EGFL6: variants seen among roughly 807,000 people sequenced by gnomAD.
EGFL6 encodes the protein EGF like domain multiple 6, also known as epidermal growth factor-like protein 6.
In EGFL6, 42 loss-of-function variants were observed where a neutral mutation model predicts 43.1. The observed-to-expected ratio is 0.98, with a 90% confidence interval of 0.76 to 1.26. EGFL6 has a LOEUF of 1.26. Among genes scored for constraint, EGFL6 ranks in the 50% most tolerant of loss-of-function variants. The pLI is 0.00. For missense variants in EGFL6, 429 were observed against 427.8 expected (o/e 1.00, Z -0.02); for synonymous variants, 164 against 163.2 (o/e 1.01, Z -0.04).
At chrX:13,608,917 A>G (rs1391884281) in intron 7 of EGFL6, among the ~76,000 whole-genome samples, 2 of 112,655 alleles carry the variant, frequency 1.8e-5, no homozygotes, top group Non-Finnish European at 3.7e-5. Context: ...TCTTCATTAA[A>G]GTATGATTAC....
At chrX:13,610,579 G>T (rs978676919) in intron 7 of EGFL6, among the ~76,000 whole-genome samples, 4 of 112,097 alleles carry the variant, frequency 3.6e-5, no homozygotes, top group Admixed American at 2.8e-4. Flanking sequence ...AGGTAGGTTG[G>T]GGGGAAGGAC....
chrX:13,601,889 A>G (rs16979012), intron 4 of EGFL6, among the ~76,000 whole-genome samples: 2,468 of 111,591 alleles, frequency 0.022, 60 homozygotes, highest in African/African-American at 0.074. Context: ...AAATTTCAAA[A>G]AAGATGTACG....
Position 13,633,362 on chromosome X carries a change from C to T in EGFL6, c.*267C>T, listed in dbSNP as rs2045824507. 8.5e-6 allele frequency: 2 copies of T among 234,962 alleles called. No individual in the cohort carries two copies. Among genetic ancestry groups the T allele is most frequent in the African/African-American group, 5.9e-5 (2 of 33,775 alleles). The allele number at this position is 234,962 out of a possible 1,213,427, so 19.4% of individuals were successfully genotyped here. A position where few individuals can be genotyped will look rare whatever the true frequency, so the allele number is the denominator to read the frequency against. On this transcript the variant is annotated 3_prime_UTR_variant, in exon 12 of 12. Transcript: ENST00000361306. ...AGTTTATCTCCCCTCCTCAGTATAT[C>T]TGATTTGTATAAGTAAGTTGATGAG...
intron 7 of EGFL6, among the ~76,000 whole-genome samples, chrX:13,616,680 C>T (rs1025354045): frequency 2.7e-5 from 3 of 111,552 alleles, no homozygotes; most frequent in African/African-American, 6.5e-5. Context: ...ATCTTAGCTC[C>T]GTCCCTAACA....
At chrX:13,580,523 G>A (rs1449769095) in intron 1 of EGFL6, among the ~76,000 whole-genome samples, 1 of 111,323 alleles carries the variant, frequency 9.0e-6, no homozygotes, top group East Asian at 2.8e-4. Context: ...TTGCTGACAG[G>A]TGGGGTTCTT....
intron 5 of EGFL6, 117 bp from the exon 6 acceptor site, chrX:13,606,262 A>C: frequency 2.6e-6 from 2 of 763,528 alleles, no homozygotes; most frequent in African/African-American, 2.1e-5. Flanking sequence ...TGATGTTGGC[A>C]CCAGTATACT....
At chrX:13,611,703 T>C (rs1180372339) in intron 7 of EGFL6, among the ~76,000 whole-genome samples, 2 of 112,756 alleles carry the variant, frequency 1.8e-5, no homozygotes, top group African/African-American at 6.4e-5. Context: ...AAAATGTCTG[T>C]TTTTCTTGGA....
chrX:13,571,407 G>A (rs943494439), intron 1 of EGFL6, among the ~76,000 whole-genome samples: 3 of 111,268 alleles, frequency 2.7e-5, no homozygotes, highest in African/African-American at 9.8e-5. Flanking sequence ...ATGTATGATC[G>A]CAAGTTTCAA....
intron 1 of EGFL6, among the ~76,000 whole-genome samples, chrX:13,577,268 G>T (rs1016034787): frequency 1.0e-5 from 1 of 96,006 alleles, no homozygotes; most frequent in South Asian, 4.8e-4. Context: ...GGGGGATGGA[G>T]AGGCACATAA....
intron 1 of EGFL6, among the ~76,000 whole-genome samples, chrX:13,584,801 T>G (rs1397921677): frequency 8.9e-6 from 1 of 111,853 alleles, no homozygotes; most frequent in East Asian, 2.8e-4. Context: ...TGATACATTA[T>G]AGGCACTCAA....
chrX:13,633,089 T>C lies in EGFL6; in HGVS notation c.1656T>C (p.Asp552=). Reference sequence around the variant, plus strand: ...GTCCAGATAGCCTTTTATCTGTGGATGACTGAATGTTACTATCTTTATATT... The same window carrying C: ...GTCCAGATAGCCTTTTATCTGTGGACGACTGAATGTTACTATCTTTATATT... ...GLCPDSLLSV[D]D is the part of the protein sequence containing the mutation. Residue 552 remains aspartate (D), a synonymous_variant, in exon 12 of 12, where the codon GAT becomes GAC. Transcript: ENST00000361306. 1 of 1,186,364 alleles carries C rather than the reference T, an allele frequency of 8.4e-7. No homozygotes were observed. The highest frequency in any genetic ancestry group is 1.1e-6 in the Non-Finnish European group (1 of 883,643).
intron 11 of EGFL6, among the ~76,000 whole-genome samples, chrX:13,628,422 C>G (rs1056036015): frequency 9.1e-6 from 1 of 110,372 alleles, no homozygotes; most frequent in African/African-American, 3.3e-5. Context: ...TGCAAGAGTT[C>G]TTTCTTTGGA....
intron 2 of EGFL6, among the ~76,000 whole-genome samples, chrX:13,592,010 T>A (rs186059625): frequency 8.9e-6 from 1 of 111,795 alleles, no homozygotes; most frequent in East Asian, 2.8e-4. Flanking sequence ...AAACACAAAC[T>A]GAATTTCCCT....
At chrX:13,628,241 C>A (rs186700902) in intron 11 of EGFL6, among the ~76,000 whole-genome samples, 6 of 111,033 alleles carry the variant, frequency 5.4e-5, no homozygotes, top group Admixed American at 9.7e-5. Context: ...TTTGGACAAC[C>A]CAGACCTACT....
At chrX:13,592,466 A>G (rs1025445503) in intron 2 of EGFL6, among the ~76,000 whole-genome samples, 1 of 112,414 alleles carries the variant, frequency 8.9e-6, no homozygotes, top group African/African-American at 3.2e-5. Context: ...ACATGTTTAC[A>G]ACACTATATT....
Position 13,623,856 on chromosome X carries a change from C to T in EGFL6, c.1216C>T (p.His406Tyr), listed in dbSNP as rs769889467. ...TATCTCGGTTGACTGCAGCTTCAAT[C>T]ATGGGATCTGTGACTGGAAACAGGA... Reference protein sequence around the residue: ...LNISVDCSFNHGICDWKQDRE... With the variant: ...LNISVDCSFNYGICDWKQDRE... The change falls in exon 10 of 12, where the codon CAT becomes TAT. Residue 406 changes from histidine (H) to tyrosine (Y), a missense_variant. His to Tyr is a moderately conservative substitution (Grantham distance 83). Transcript: ENST00000361306. 55 of 1,207,204 alleles carry T rather than the reference C, an allele frequency of 4.6e-5. No individual in the cohort carries two copies. The highest frequency in any genetic ancestry group is 2.3e-4 in the Middle Eastern group (1 of 4,364).
intron 1 of EGFL6, chrX:13,574,639 G>A (rs2045460933): frequency 9.1e-6 from 1 of 110,302 alleles, no homozygotes; most frequent in African/African-American, 3.3e-5. Flanking sequence ...AGGAGATTAG[G>A]GCCTTTCTCC....
intron 5 of EGFL6, among the ~76,000 whole-genome samples, chrX:13,603,841 A>T (rs754303201): frequency 8.9e-5 from 10 of 112,077 alleles, no homozygotes; most frequent in Non-Finnish European, 1.7e-4. Context: ...TATTTTTTAG[A>T]TATAACATTA....
intron 9 of EGFL6, among the ~76,000 whole-genome samples, chrX:13,619,824 T>C: frequency 9.0e-6 from 1 of 111,541 alleles, no homozygotes; most frequent in East Asian, 2.8e-4. Context: ...TGTGCTTTCT[T>C]ACATGCCTGA....
Sources: gnomAD v4.1 joint callset for allele counts (sites outside exome capture counted in the v4.1 genomes callset) on GRCh38, gnomAD v4.1.1 for gene constraint, MANE v1.5 for transcripts, NCBI Gene and HGNC (gene_info 2026-07-23, HGNC 2026-07-21) for gene names.